The following CTNND2 variants were observed in gnomAD, a reference collection of about 807,000 sequenced individuals.
The protein encoded by CTNND2 is catenin delta-2.
CTNND2 carries 22 observed loss-of-function variants against 144.4 expected under a neutral mutation model. The observed-to-expected ratio is 0.15, with a 90% CI of 0.11 to 0.22. CTNND2 has a LOEUF of 0.22. Among genes scored for constraint, CTNND2 ranks in the 10% least tolerant of loss-of-function variants. CTNND2 has a pLI of 1.00. For synonymous variants in CTNND2, 751 were observed against 695.6 expected (o/e 1.08, Z -1.25); for missense variants, 1,353 against 1,618.8 (o/e 0.84, Z 2.82).
intron 9 of CTNND2, among the ~76,000 whole-genome samples, chr5:11,257,350 A>G (rs886330606): frequency 6.6e-6 from 1 of 152,216 alleles, no homozygotes; most frequent in African/African-American, 2.4e-5. Context: ...GTTCATCACC[A>G]TGCACCAATT....
Position 11,044,093 on chromosome 5 carries a change from C to T in CTNND2, c.2789-21114G>A, listed in dbSNP as rs182392723. On this transcript the variant is annotated intron_variant, in intron 16 of 21. Transcript: ENST00000304623. ...GTACAGCGGGGTAGCAGCCTCTGCCCGGCAGGACTCTGATGGTCCTGCCTG... is the reference window on the plus strand; with the variant it reads ...GTACAGCGGGGTAGCAGCCTCTGCCTGGCAGGACTCTGATGGTCCTGCCTG... 1.7e-3 allele frequency among the ~76,000 whole-genome samples: 253 copies of T among 152,308 alleles called. 6 individuals carry two copies. Among genetic ancestry groups the T allele is most frequent in the East Asian group, 0.012 (62 of 5,184 alleles).
At chr5:11,319,147 C>G (rs954291453) in intron 9 of CTNND2, among the ~76,000 whole-genome samples, 8 of 152,060 alleles carry the variant, frequency 5.3e-5, no homozygotes, top group African/African-American at 1.4e-4. Flanking sequence ...TCCCAATCTC[C>G]TTACCTTGCC....
chr5:11,430,817 T>C (rs147001622), intron 3 of CTNND2, among the ~76,000 whole-genome samples: 3 of 152,348 alleles, frequency 2.0e-5, no homozygotes, highest in East Asian at 1.9e-4. Context: ...AGGGTTAGTA[T>C]ATGGAAAATG....
intron 3 of CTNND2, among the ~76,000 whole-genome samples, chr5:11,502,925 A>G (rs1770679402): frequency 6.6e-6 from 1 of 152,258 alleles, no homozygotes; most frequent in Non-Finnish European, 1.5e-5. Context: ...GTACATGTAC[A>G]AGGATATGAT....
At chr5:11,200,056 A>C (rs919904931) in intron 10 of CTNND2, among the ~76,000 whole-genome samples, 8 of 152,232 alleles carry the variant, frequency 5.3e-5, no homozygotes, top group South Asian at 2.1e-4. Flanking sequence ...GGGCTGCAGG[A>C]ATGATACACA....
chr5:11,508,320 C>T (rs1355361891), intron 3 of CTNND2: 2 of 152,202 alleles, frequency 1.3e-5, no homozygotes, highest in Non-Finnish European at 2.9e-5. Flanking sequence ...GATGTGGGAT[C>T]TGACTTTTTC....
chr5:11,690,927 G>A (rs188000146), intron 2 of CTNND2, among the ~76,000 whole-genome samples: 1,659 of 152,114 alleles, frequency 0.011, 35 homozygotes, highest in Admixed American at 0.054. Flanking sequence ...CTGAAAACAC[G>A]TTGAAAATGA....
At chr5:11,050,722 T>C (rs944419528) in intron 16 of CTNND2, among the ~76,000 whole-genome samples, 4 of 152,194 alleles carry the variant, frequency 2.6e-5, no homozygotes, top group Admixed American at 6.5e-5. Flanking sequence ...GAAAGACAGA[T>C]TGCCATCTCT....
At chr5:11,402,240 T>A (rs1253334072) in intron 5 of CTNND2, among the ~76,000 whole-genome samples, 1 of 152,142 alleles carries the variant, frequency 6.6e-6, no homozygotes, top group African/African-American at 2.4e-5. Flanking sequence ...TCCATCAACC[T>A]CAAAACTCAT....
At chr5:11,174,627 A>T (rs1389469313) in intron 11 of CTNND2, among the ~76,000 whole-genome samples, 2 of 152,164 alleles carry the variant, frequency 1.3e-5, no homozygotes, top group Admixed American at 1.3e-4. Context: ...CAGGACTATC[A>T]GAGGGTTGAT....
intron 2 of CTNND2, among the ~76,000 whole-genome samples, chr5:11,692,268 A>C (rs1682096826): frequency 6.6e-6 from 1 of 152,334 alleles, no homozygotes; most frequent in African/African-American, 2.4e-5. Flanking sequence ...TTCTTTCAGA[A>C]ATTTCAAACA....
chr5:11,093,669 C>T (rs533060809), intron 15 of CTNND2, among the ~76,000 whole-genome samples: 1 of 152,174 alleles, frequency 6.6e-6, no homozygotes, highest in East Asian at 1.9e-4. Flanking sequence ...CTCTACATTT[C>T]TGTTTTTGTT....
intron 3 of CTNND2, among the ~76,000 whole-genome samples, chr5:11,412,959 C>A (rs1164280598): frequency 6.6e-6 from 1 of 152,070 alleles, no homozygotes; most frequent in East Asian, 1.9e-4. Flanking sequence ...TTAGTCTGTA[C>A]CTTAGAGGTG....
chr5:11,096,980 C>T (rs186174733), intron 15 of CTNND2, among the ~76,000 whole-genome samples: 213 of 152,226 alleles, frequency 1.4e-3, no homozygotes, highest in African/African-American at 4.6e-3. Flanking sequence ...CTCATGAGCA[C>T]GTGAGTGGTC....
chr5:11,760,053 A>C (rs1789171620), intron 1 of CTNND2, among the ~76,000 whole-genome samples: 1 of 112,194 alleles, frequency 8.9e-6, no homozygotes, highest in South Asian at 2.3e-4. Context: ...TGGATGCAAA[A>C]AAAAAAAAAA....
At chr5:11,188,624 T>A (rs1382014382) in intron 11 of CTNND2, among the ~76,000 whole-genome samples, 4 of 152,146 alleles carry the variant, frequency 2.6e-5, no homozygotes, top group Admixed American at 2.6e-4. Context: ...AAATAAAATT[T>A]AAAAATTAAA....
At chr5:11,635,731 TAACATAGATG>T (rs1781652706) in intron 2 of CTNND2, among the ~76,000 whole-genome samples, 1 of 152,118 alleles carries the variant, frequency 6.6e-6, no homozygotes, top group South Asian at 2.1e-4. Flanking sequence ...TTTTTTCTTA[TAACATAGATG>T]GGCTATTCTT....
At chr5:11,389,265 TAAAC>T (rs968484379) in intron 6 of CTNND2, among the ~76,000 whole-genome samples, 8 of 152,182 alleles carry the variant, frequency 5.3e-5, no homozygotes, top group African/African-American at 1.9e-4. Context: ...TGTTCACAGA[TAAAC>T]AACCCCATCA....
chr5:11,075,482 G>C (rs1748847186), intron 16 of CTNND2, among the ~76,000 whole-genome samples: 2 of 152,216 alleles, frequency 1.3e-5, no homozygotes, highest in South Asian at 4.1e-4. Context: ...AGCACAGAAG[G>C]ATGAGGCCAA....
Sources: allele counts gnomAD v4.1 joint callset (sites outside exome capture counted in the v4.1 genomes callset), GRCh38; gene constraint gnomAD v4.1.1; transcripts MANE v1.5; gene names NCBI Gene and HGNC (gene_info 2026-07-23, HGNC 2026-07-21).